The following PUM3 variants were observed in gnomAD, a reference collection of about 807,000 sequenced individuals.
PUM3 encodes pumilio RNA binding family member 3.
PUM3 carries 91 observed loss-of-function variants against 84.0 expected under a neutral mutation model. That is an observed-to-expected ratio of 1.08 (90% confidence interval 0.91 to 1.29). The LOEUF is 1.29. PUM3 is among the 50% of genes most tolerant of loss of function. PUM3 has a pLI of 0.00. For missense variants in PUM3, 1,067 were observed against 767.5 expected, an observed-to-expected ratio of 1.39 and a Z score of -4.61; for synonymous variants, 321 against 266.7, an observed-to-expected ratio of 1.20 and a Z score of -1.98.
chr9:2,808,035 T>TCCC, intron 16 of PUM3, 131 bp from the exon 17 acceptor site: 1 of 616,736 alleles, frequency 1.6e-6, no homozygotes, highest in East Asian at 2.9e-5. Flanking sequence ...TCACCCAATC[T>TCCC]CCCTTTTAAC....
intron 17 of PUM3, among the ~76,000 whole-genome samples, chr9:2,805,002 C>T (rs924287713): frequency 2.6e-5 from 4 of 152,218 alleles, no homozygotes; most frequent in Non-Finnish European, 5.9e-5. Flanking sequence ...AAGGGCTTCA[C>T]TGTGGAGCTT....
chr9:2,816,246 A>C (rs964839015), intron 13 of PUM3, among the ~76,000 whole-genome samples: 1 of 152,180 alleles, frequency 6.6e-6, no homozygotes, highest in Non-Finnish European at 1.5e-5. Flanking sequence ...AAACTAAGAG[A>C]TTTAACTAAT....
Position 2,812,315 on chromosome 9 carries a change from C to T in PUM3, c.1317G>A (p.Arg439=). Residue 439 remains arginine, a synonymous_variant, in exon 14 of 18, where the codon AGG becomes AGA. Coordinates refer to ENST00000397885, the MANE Select transcript of PUM3 (RefSeq NM_014878.5). ...LPSIVNDKYG[R]KVLLYLLSPR... ...GGCTTAGTAAGTACAATAGGACCTT[C>T]CTTCCATATTTGTCATTTACTATGC... 1.3e-6 allele frequency: 2 copies of T among 1,598,286 alleles called. 1 individual carries two copies. Among genetic ancestry groups the T allele is most frequent in the Middle Eastern group, 3.3e-4 (2 of 6,030 alleles).
intron 13 of PUM3, among the ~76,000 whole-genome samples, chr9:2,815,709 G>A (rs1821454949): frequency 6.6e-6 from 1 of 152,110 alleles, no homozygotes; most frequent in African/African-American, 2.4e-5. Flanking sequence ...CCTTAACTAT[G>A]GAGATTAAAT....
chr9:2,835,337 G>T (rs1816095201), intron 3 of PUM3, among the ~76,000 whole-genome samples: 1 of 152,182 alleles, frequency 6.6e-6, no homozygotes, highest in Non-Finnish European at 1.5e-5. Context: ...AGGATCACTT[G>T]AGTCCAGGAG....
chr9:2,837,994 A>AAC (rs1816174627), intron 2 of PUM3, among the ~76,000 whole-genome samples: 2 of 152,224 alleles, frequency 1.3e-5, no homozygotes, highest in Admixed American at 6.5e-5. Context: ...ACATTAAGGA[A>AAC]ACATTAATCA....
rs372298847 is a variant in PUM3, at chr9:2,829,776, T to C, written c.850A>G (p.Lys284Glu). 40 of 1,607,310 alleles carry C rather than the reference T, an allele frequency of 2.5e-5. No homozygotes were observed. The Admixed American group carries it at 4.9e-4, about 20-fold the overall frequency. The change falls in exon 8 of 18, where the codon AAG becomes GAG. Residue 284 changes from lysine (K) to glutamate (E), a missense_variant and splice_region_variant. Transcript: ENST00000397885. Reference protein sequence around the residue: ...ELYGNTFQLYKSADHRTLDKV... With the variant: ...ELYGNTFQLYESADHRTLDKV... ...AAAAAGACTTCTGGAGATGTCACCT[T>C]GTAAAGCTGAAATGTGTTCCCATAG...
chr9:2,832,819 A>G (rs1816020618), intron 5 of PUM3, among the ~76,000 whole-genome samples: 1 of 152,226 alleles, frequency 6.6e-6, no homozygotes, highest in African/African-American at 2.4e-5. Flanking sequence ...GTTGTCTTCC[A>G]AGCCATTATG....
Position 2,827,148 on chromosome 9 carries a change from T to A in PUM3, c.960A>T (p.Glu320Asp), listed in dbSNP as rs757292562. The change falls in exon 10 of 18, where the codon GAA (glutamate) becomes GAT (aspartate). Residue 320 changes from glutamate to aspartate, a missense_variant. By Grantham distance (45) the Glu-to-Asp change is conservative. Transcript: ENST00000397885. ...GCACCAATGAGTGCTTAATCACAGC[T>A]TCCCTGAAAACAGAAAAAAAAAGCA... ...KQILTPMAQK[E>D]AVIKHSLVHK... is the part of the protein sequence containing the mutation. The A allele has an allele frequency of 6.2e-7, 1 of 1,606,312 alleles. No individual in the cohort carries two copies. Among genetic ancestry groups the A allele is most frequent in the African/African-American group, 1.3e-5 (1 of 74,628 alleles).
intron 12 of PUM3, among the ~76,000 whole-genome samples, chr9:2,823,541 A>C (rs1185934988): frequency 6.6e-6 from 1 of 152,150 alleles, no homozygotes; most frequent in African/African-American, 2.4e-5. Context: ...AGAATATCTA[A>C]TAAAAGTAGA....
chr9:2,823,155 A>G (rs986657540), intron 12 of PUM3, among the ~76,000 whole-genome samples: 5 of 152,048 alleles, frequency 3.3e-5, no homozygotes, highest in African/African-American at 9.7e-5. Context: ...ACACCATAGC[A>G]ACAGCATGAA....
At chr9:2,804,518 C>A in intron 17 of PUM3, 55 bp from the exon 18 acceptor site, 1 of 1,521,380 alleles carries the variant, frequency 6.6e-7, no homozygotes. Context: ...ATCTCCAATA[C>A]TACCTGTACC....
chr9:2,805,302 G>C (rs374905008), intron 17 of PUM3, among the ~76,000 whole-genome samples: 1 of 152,136 alleles, frequency 6.6e-6, no homozygotes, highest in Non-Finnish European at 1.5e-5. Context: ...GAAGTGAAAG[G>C]AGCCATAGAG....
At chr9:2,827,238 AT>A (rs1815847431) in intron 9 of PUM3, 87 bp from the exon 10 acceptor site, 1 of 847,708 alleles carries the variant, frequency 1.2e-6, no homozygotes, top group South Asian at 1.8e-5. Context: ...TCCTAAAGTA[AT>A]CTAAACAAGT....
chr9:2,837,165 C>G lies in PUM3; in HGVS notation c.304+15G>C, dbSNP rs769753394. ...GTTCAGGCACTAGTTCAGGCATGAA[C>G]GAACCAGTACTTACCATCGCTTCTA... On this transcript the variant is annotated intron_variant, in intron 3 of 17. Transcript: ENST00000397885. 1 of 1,608,334 alleles carries G rather than the reference C, an allele frequency of 6.2e-7. No individual in the cohort carries two copies. The highest frequency in any genetic ancestry group is 8.5e-7 in the Non-Finnish European group (1 of 1,175,082).
intron 3 of PUM3, 112 bp downstream of exon 3, chr9:2,837,068 C>T (rs908446560): frequency 3.4e-6 from 3 of 881,280 alleles, no homozygotes; most frequent in African/African-American, 1.7e-5. Context: ...ACCTACCTGT[C>T]CCAAAATGTT....
intron 13 of PUM3, among the ~76,000 whole-genome samples, chr9:2,815,249 C>A (rs1395067310): frequency 6.6e-6 from 1 of 152,060 alleles, no homozygotes; most frequent in Non-Finnish European, 1.5e-5. Flanking sequence ...CCTTATTGAT[C>A]AGCAAAAAAA....
At chr9:2,825,474 T>C (rs1281361939) in intron 10 of PUM3, among the ~76,000 whole-genome samples, 2 of 152,118 alleles carry the variant, frequency 1.3e-5, no homozygotes, top group Non-Finnish European at 2.9e-5. Context: ...GTATATAATT[T>C]CTTATTTACA....
At chr9:2,810,240 G>T in intron 16 of PUM3, 104 bp downstream of exon 16, 1 of 737,098 alleles carries the variant, frequency 1.4e-6, no homozygotes, top group Non-Finnish European at 2.4e-6. Flanking sequence ...TAGACACTTG[G>T]CAAACTTCAT....
Sources: gnomAD v4.1 joint callset for allele counts (sites outside exome capture counted in the v4.1 genomes callset) on GRCh38, gnomAD v4.1.1 for gene constraint, MANE v1.5 for transcripts, NCBI Gene and HGNC (gene_info 2026-07-23, HGNC 2026-07-21) for gene names.